Variants in MMD2 observed in about 807,000 individuals in gnomAD.
MMD2 encodes monocyte to macrophage differentiation associated 2.
Under a neutral mutation model 33.5 loss-of-function variants are expected in MMD2, and 30 were observed. The ratio of observed to expected loss-of-function variants is 0.90; its 90% CI spans 0.67 to 1.22. The LOEUF (loss-of-function observed/expected upper bound fraction) is 1.22, where lower values mean the gene tolerates loss of function less well. Among genes scored for constraint, MMD2 ranks in the 50% most tolerant of loss-of-function variants. MMD2 has a pLI of 0.00. For synonymous variants in MMD2, 129 were observed against 123.0 expected (o/e 1.05, Z -0.32); for missense variants, 364 against 325.4 (o/e 1.12, Z -0.91).
Position 4,906,973 on chromosome 7 carries a change from CG to C in MMD2, c.*422del, listed in dbSNP as rs1458324667. ...CCCTTTCCCTGAACCAGAGACAATT[CG>C]CCAGCCTGGACTTTGGTAACAGAGA... On this transcript the variant is annotated 3_prime_UTR_variant, in exon 7 of 7. Coordinates refer to ENST00000401401, the MANE Select transcript of MMD2 (RefSeq NM_198403.4). 54 of 231,006 alleles carry C rather than the reference CG, an allele frequency of 2.3e-4. No individual in the cohort carries two copies. Among genetic ancestry groups the C allele is most frequent in the African/African-American group, 1.0e-3 (46 of 43,886 alleles). 14.3% of individuals were successfully genotyped at this position (231,006 alleles called of 1,614,324 possible). A position where few individuals can be genotyped will look rare whatever the true frequency, so the allele number is the denominator to read the frequency against.
intron 1 of MMD2, among the ~76,000 whole-genome samples, chr7:4,942,789 TG>T (rs1785947037): frequency 6.6e-6 from 1 of 151,610 alleles, no homozygotes; most frequent in African/African-American, 2.4e-5. Flanking sequence ...CTTTTTTGTT[TG>T]TTTTTTAGTA....
intron 1 of MMD2, among the ~76,000 whole-genome samples, chr7:4,939,273 C>T (rs556620833): frequency 1.2e-4 from 18 of 151,820 alleles, no homozygotes; most frequent in Non-Finnish European, 2.5e-4. Flanking sequence ...AGGCTGGGCC[C>T]GGTGGCTCGT....
intron 1 of MMD2, among the ~76,000 whole-genome samples, chr7:4,953,405 C>A (rs1261359639): frequency 1.3e-5 from 2 of 149,300 alleles, no homozygotes; most frequent in African/African-American, 4.9e-5. Flanking sequence ...AATTCCAATT[C>A]TTTACACTGG....
intron 2 of MMD2, 58 bp downstream of exon 2, chr7:4,925,393 C>A: frequency 7.4e-7 from 1 of 1,345,238 alleles, no homozygotes; most frequent in Non-Finnish European, 1.0e-6. Flanking sequence ...ACTTCCCCCA[C>A]CCCCCTTCCC....
chr7:4,949,693 G>A (rs1017819533), intron 1 of MMD2, among the ~76,000 whole-genome samples: 76 of 151,920 alleles, frequency 5.0e-4, no homozygotes, highest in African/African-American at 1.7e-3. Flanking sequence ...TGTATTTTTT[G>A]TAGAGACGGG....
At chr7:4,923,351 G>A (rs994855573) in intron 2 of MMD2, among the ~76,000 whole-genome samples, 6 of 152,066 alleles carry the variant, frequency 3.9e-5, no homozygotes, top group Non-Finnish European at 8.8e-5. Context: ...TGATCCGCCC[G>A]CCTCAGCCAC....
At position 4,913,847 on chromosome 7, in the gene MMD2, G is replaced by C. The variant is rs539694838; in HGVS notation, c.365+2158C>G. ...CGACTAATTTTTTGTATTTTTAGTA[G>C]AGACGGGGTTTCACCGTGTTAGCCA... On this transcript the variant is annotated intron_variant, in intron 4 of 6. Coordinates refer to ENST00000401401, the MANE Select transcript of MMD2 (RefSeq NM_198403.4). Among the ~76,000 whole-genome samples the C allele has an allele frequency of 4.0e-5, 6 of 151,414 alleles. No homozygotes were observed. The South Asian group carries it at 1.0e-3, about 26-fold the overall frequency.
At chr7:4,917,071 C>CA (rs1562479087) in intron 3 of MMD2, among the ~76,000 whole-genome samples, 1 of 150,422 alleles carries the variant, frequency 6.6e-6, no homozygotes, top group African/African-American at 2.4e-5. Context: ...GATCCTGTCT[C>CA]AAAAAAAAAG....
intron 1 of MMD2, among the ~76,000 whole-genome samples, chr7:4,930,229 G>A (rs1274439053): frequency 5.3e-5 from 7 of 132,378 alleles, no homozygotes; most frequent in East Asian, 2.4e-4. Context: ...AGATCACGCC[G>A]CCACTGCACT....
intron 1 of MMD2, among the ~76,000 whole-genome samples, chr7:4,957,881 G>C (rs1486621100): frequency 1.3e-5 from 2 of 152,134 alleles, no homozygotes; most frequent in Non-Finnish European, 2.9e-5. Flanking sequence ...CACCATCCTA[G>C]CCCTGAGCTC....
chr7:4,926,831 G>A (rs996958644), intron 1 of MMD2, among the ~76,000 whole-genome samples: 6 of 151,590 alleles, frequency 4.0e-5, no homozygotes, highest in African/African-American at 9.7e-5. Flanking sequence ...AGCAAGCTCC[G>A]CCTCCTGGGT....
At position 4,920,281 on chromosome 7, in the gene MMD2, C is replaced by T. The variant is rs748387830; in HGVS notation, c.180G>A (p.Ser60=). ...CAGAGATGGTCTCCCAGTCATCGTC[C>T]GACAGGAAGTAGAGGTTGGAGCTGC... ...ILGSSNLYFL[S]DDDWETISAW... Residue 60 remains serine, a synonymous_variant, in exon 3 of 7, where the codon TCG becomes TCA. Transcript: ENST00000401401. The T allele has an allele frequency of 8.7e-6, 14 of 1,607,966 alleles. No homozygotes were observed. The highest frequency in any genetic ancestry group is 1.2e-5 in the Non-Finnish European group (14 of 1,177,646).
chr7:4,923,399 C>T (rs115843465), intron 2 of MMD2, among the ~76,000 whole-genome samples: 93 of 152,210 alleles, frequency 6.1e-4, no homozygotes, highest in African/African-American at 1.9e-3. Context: ...CCACTGCATC[C>T]GGCCAATTCA....
At chr7:4,929,673 C>T (rs574806869) in intron 1 of MMD2, among the ~76,000 whole-genome samples, 72 of 151,932 alleles carry the variant, frequency 4.7e-4, no homozygotes, top group East Asian at 2.9e-3. Context: ...TACAGGCGCC[C>T]GCCACCACAC....
chr7:4,928,797 T>A (rs1785498469), intron 1 of MMD2, among the ~76,000 whole-genome samples: 1 of 151,966 alleles, frequency 6.6e-6, no homozygotes, highest in South Asian at 2.1e-4. Flanking sequence ...ATTAAGTACC[T>A]TTGATGTGTT....
At chr7:4,947,753 A>G (rs60970367) in intron 1 of MMD2, among the ~76,000 whole-genome samples, 30,475 of 113,226 alleles carry the variant, frequency 0.27, 5,287 homozygotes, top group African/African-American at 0.53. Flanking sequence ...AGGCTGGAGC[A>G]CAGTGGTGCG....
At position 4,930,458 on chromosome 7, in the gene MMD2, G is replaced by A. The variant is rs530006383; in HGVS notation, c.48-4926C>T. 9.9e-5 allele frequency among the ~76,000 whole-genome samples: 15 copies of A among 151,334 alleles called. No homozygotes were observed. In the East Asian group the frequency reaches 1.6e-3, roughly 16 times the overall value. On this transcript the variant is annotated intron_variant, in intron 1 of 6. Coordinates refer to ENST00000401401, the MANE Select transcript of MMD2 (RefSeq NM_198403.4). The stretch of plus-strand genomic sequence containing the variant: ...AGTTTAAGACCAGCCTGGCTAACAC[G>A]GCAATACCCCATCTCTACTAAAAAA...
At chr7:4,958,689 G>A (rs1006878639) in intron 1 of MMD2, among the ~76,000 whole-genome samples, 1 of 152,232 alleles carries the variant, frequency 6.6e-6, no homozygotes, top group Non-Finnish European at 1.5e-5. Flanking sequence ...AGGACACGGG[G>A]ACTCGCATAA....
intron 6 of MMD2, among the ~76,000 whole-genome samples, chr7:4,907,955 G>A (rs1042781843): frequency 6.6e-6 from 1 of 151,132 alleles, no homozygotes; most frequent in African/African-American, 2.4e-5. Context: ...ATATCCCATG[G>A]CACAACCATG....
Sources: gnomAD v4.1 joint callset for allele counts (sites outside exome capture counted in the v4.1 genomes callset) on GRCh38, gnomAD v4.1.1 for gene constraint, MANE v1.5 for transcripts, NCBI Gene and HGNC (gene_info 2026-07-23, HGNC 2026-07-21) for gene names.